MPPED2: variants seen among roughly 807,000 people sequenced by gnomAD.
MPPED2 encodes the protein metallophosphoesterase MPPED2.
Under a neutral mutation model 33.0 loss-of-function variants are expected in MPPED2, and 5 were observed. The observed-to-expected ratio is 0.15, with a 90% confidence interval of 0.08 to 0.32. The LOEUF (loss-of-function observed/expected upper bound fraction) is 0.32. Ranked by LOEUF, MPPED2 falls within the 10% of genes least tolerant of loss-of-function variation. MPPED2 has a pLI of 1.00. For missense variants in MPPED2, 275 were observed against 372.1 expected, an observed-to-expected ratio of 0.74 and a Z score of 2.15; for synonymous variants, 136 against 141.9, an observed-to-expected ratio of 0.96 and a Z score of 0.29.
downstream of MPPED2, among the ~76,000 whole-genome samples, chr11:30,405,290 A>G (rs150415806): frequency 2.0e-5 from 3 of 152,350 alleles, no homozygotes; most frequent in East Asian, 5.8e-4. Context: ...GAAATGGGCT[A>G]TGAAATCACA....
rs535282907 is a variant in MPPED2, at chr11:30,585,304, G to A, written c.-122+738C>T. On this transcript the variant is annotated intron_variant, in intron 1 of 6. Transcript: ENST00000358117. ...GGGTCGCTCCGCAGGCTGCGAGCGC[G>A]GAGACCCAGGCAGCGGCGGAGAGTG... is the stretch of plus-strand genomic sequence containing the variant. Among the ~76,000 whole-genome samples, 805 of 152,170 alleles carry A rather than the reference G, an allele frequency of 5.3e-3. 9 individuals carry two copies. The highest frequency in any genetic ancestry group is 0.017 in the Middle Eastern group (5 of 294).
At position 30,452,852 on chromosome 11, in the gene MPPED2, T is replaced by C. The variant is rs189438924; in HGVS notation, c.537-35219A>G. Reference sequence around the variant, plus strand: ...ATTCTACGTGGCTCTGCAAAAAGGATGGTGGAAACTTACAGCAAAAGAGGG... The same window carrying C: ...ATTCTACGTGGCTCTGCAAAAAGGACGGTGGAAACTTACAGCAAAAGAGGG... On this transcript the variant is annotated intron_variant, in intron 4 of 6. Coordinates refer to ENST00000358117, the MANE Select transcript of MPPED2 (RefSeq NM_001584.3). Among the ~76,000 whole-genome samples, 57 of 151,756 alleles carry C rather than the reference T, an allele frequency of 3.8e-4. No individual in the cohort carries two copies. In the East Asian group the frequency reaches 0.011, roughly 30 times the overall value.
At chr11:30,506,555 T>C (rs1952838418) in intron 3 of MPPED2, among the ~76,000 whole-genome samples, 3 of 152,224 alleles carry the variant, frequency 2.0e-5, no homozygotes, top group South Asian at 4.1e-4. Flanking sequence ...GAGAAAAAGG[T>C]GTTCCTTCCA....
At chr11:30,446,307 C>T (rs1036529164) in intron 4 of MPPED2, among the ~76,000 whole-genome samples, 1 of 152,218 alleles carries the variant, frequency 6.6e-6, no homozygotes, top group Non-Finnish European at 1.5e-5. Context: ...CTGCCTACCA[C>T]TTATTGAGCA....
intron 4 of MPPED2, among the ~76,000 whole-genome samples, chr11:30,451,218 A>G (rs998373384): frequency 2.0e-5 from 3 of 152,262 alleles, no homozygotes; most frequent in African/African-American, 2.4e-5. Context: ...TTGAAACTCA[A>G]TGTGAAGCTG....
intron 2 of MPPED2, among the ~76,000 whole-genome samples, chr11:30,547,555 A>C (rs1431626717): frequency 6.6e-6 from 1 of 152,240 alleles, no homozygotes; most frequent in Admixed American, 6.5e-5. Flanking sequence ...TGGCCTATCT[A>C]AACCATGAGC....
At chr11:30,419,689 C>A (rs1025253478) in intron 4 of MPPED2, among the ~76,000 whole-genome samples, 1 of 152,142 alleles carries the variant, frequency 6.6e-6, no homozygotes, top group Non-Finnish European at 1.5e-5. Flanking sequence ...ATGAGAGTCA[C>A]CCTCAGGATT....
chr11:30,428,752 G>A (rs571649140), intron 4 of MPPED2, among the ~76,000 whole-genome samples: 2 of 152,204 alleles, frequency 1.3e-5, no homozygotes, highest in Admixed American at 6.5e-5. Context: ...AACCATACAC[G>A]TATGTTGTGC....
intron 2 of MPPED2, among the ~76,000 whole-genome samples, chr11:30,567,715 C>G (rs1956507165): frequency 6.6e-6 from 1 of 152,214 alleles, no homozygotes; most frequent in Non-Finnish European, 1.5e-5. Context: ...AGAAATGGTG[C>G]TTTATTTCAG....
At chr11:30,489,585 T>C (rs963111355) in intron 4 of MPPED2, among the ~76,000 whole-genome samples, 7 of 152,254 alleles carry the variant, frequency 4.6e-5, no homozygotes. Flanking sequence ...TTGCACTGCC[T>C]AGGCCTGATC....
chr11:30,506,138 A>C (rs1479724215), intron 3 of MPPED2, among the ~76,000 whole-genome samples: 1 of 152,092 alleles, frequency 6.6e-6, no homozygotes, highest in Non-Finnish European at 1.5e-5. Flanking sequence ...CCAGGGTTCA[A>C]GGGATTCTCA....
In MPPED2 at chr11:30,501,170, G is replaced by A. The variant is rs142765553; in HGVS notation, c.311-5649C>T. Among the ~76,000 whole-genome samples, 3 of 152,266 alleles carry A rather than the reference G, an allele frequency of 2.0e-5. No homozygotes were observed. In the East Asian group the frequency reaches 5.8e-4, roughly 29 times the overall value. ...TCACTCAACAGACATTAGCTGTGTTGTTATGTTATTGTCATGACCATCTTT... is the reference window on the plus strand; with the variant it reads ...TCACTCAACAGACATTAGCTGTGTTATTATGTTATTGTCATGACCATCTTT... On this transcript the variant is annotated intron_variant, in intron 3 of 6. Coordinates refer to ENST00000358117, the MANE Select transcript of MPPED2 (RefSeq NM_001584.3).
At chr11:30,519,868 AG>A (rs2134365668) in intron 3 of MPPED2, among the ~76,000 whole-genome samples, 1 of 152,340 alleles carries the variant, frequency 6.6e-6, no homozygotes, top group South Asian at 2.1e-4. Context: ...AGAACTATAC[AG>A]GACTTGGTGG....
intron 4 of MPPED2, among the ~76,000 whole-genome samples, chr11:30,452,663 T>A (rs2133956708): frequency 6.6e-6 from 1 of 152,304 alleles, no homozygotes; most frequent in African/African-American, 2.4e-5. Context: ...AGTGGCAGGA[T>A]TATGCCTGAT....
chr11:30,418,231 AAC>A (rs1948460752), intron 4 of MPPED2, among the ~76,000 whole-genome samples: 1 of 152,204 alleles, frequency 6.6e-6, no homozygotes, highest in East Asian at 1.9e-4. Context: ...ACAGAAAGTA[AAC>A]ACAGAACTTT....
chr11:30,416,816 T>A (rs1443161888), intron 5 of MPPED2, among the ~76,000 whole-genome samples: 2 of 152,208 alleles, frequency 1.3e-5, no homozygotes, highest in Non-Finnish European at 2.9e-5. Flanking sequence ...TGTTGAAGGA[T>A]GTTCTGTAGC....
At chr11:30,520,312 G>A (rs1953792792) in intron 3 of MPPED2, among the ~76,000 whole-genome samples, 1 of 152,190 alleles carries the variant, frequency 6.6e-6, no homozygotes. Flanking sequence ...ATAGTTAGCT[G>A]CTTAATTATT....
chr11:30,412,061 C>T (rs1352593199), intron 6 of MPPED2, among the ~76,000 whole-genome samples: 1 of 151,680 alleles, frequency 6.6e-6, no homozygotes, highest in Non-Finnish European at 1.5e-5. Context: ...AATGTAGACA[C>T]TCAATTTACT....
At chr11:30,412,189 G>A (rs769830934) in intron 6 of MPPED2, among the ~76,000 whole-genome samples, 14 of 149,292 alleles carry the variant, frequency 9.4e-5, no homozygotes, top group Admixed American at 2.7e-4. Flanking sequence ...ATCACATGTC[G>A]AAGTGATGTG....
Sources: gnomAD v4.1 joint callset for allele counts (sites outside exome capture counted in the v4.1 genomes callset) on GRCh38, gnomAD v4.1.1 for gene constraint, MANE v1.5 for transcripts, NCBI Gene and HGNC (gene_info 2026-07-23, HGNC 2026-07-21) for gene names.